Variants in LCLAT1 observed in about 807,000 individuals in gnomAD.
LCLAT1 encodes the protein 1-AGP acyltransferase 8.
LCLAT1 carries 11 observed loss-of-function variants against 30.7 expected under a neutral mutation model. The ratio of observed to expected loss-of-function variants is 0.36; its 90% CI spans 0.23 to 0.59. The LOEUF is 0.59. Ranked by LOEUF, LCLAT1 falls within the 20% of genes least tolerant of loss-of-function variation. The pLI, the probability that LCLAT1 is intolerant of heterozygous loss-of-function variation, is 0.77. For synonymous variants in LCLAT1, 155 were observed against 151.3 expected (o/e 1.02, Z -0.18); for missense variants, 402 against 458.6 (o/e 0.88, Z 1.13).
chr2:30,608,802 C>T (rs1012757967), intron 5 of LCLAT1, among the ~76,000 whole-genome samples: 1 of 152,116 alleles, frequency 6.6e-6, no homozygotes, highest in Non-Finnish European at 1.5e-5. Flanking sequence ...CAGAACATAT[C>T]CCCGTCAAGT....
Position 30,640,976 on chromosome 2 carries a change from A to T in LCLAT1, c.*357A>T. The T allele has an allele frequency of 4.2e-6, 1 of 239,892 alleles. No homozygotes were observed. 14.9% of individuals were successfully genotyped at this position (239,892 alleles called of 1,614,324 possible). ...GAGGCAGATCTGGAACTCGTCAACA[A>T]CAGCCCGGATCACATGCTGTTACTG... is the stretch of plus-strand genomic sequence containing the variant. On this transcript the variant is annotated 3_prime_UTR_variant, in exon 6 of 6. Transcript: ENST00000379509.
chr2:30,469,864 A>G (rs1183269183), intron 1 of LCLAT1, among the ~76,000 whole-genome samples: 1 of 152,030 alleles, frequency 6.6e-6, no homozygotes, highest in Non-Finnish European at 1.5e-5. Flanking sequence ...AAGTGCTGAG[A>G]TTACATGCAT....
chr2:30,494,970 A>G (rs1031516511), intron 1 of LCLAT1, among the ~76,000 whole-genome samples: 2 of 142,502 alleles, frequency 1.4e-5, no homozygotes, highest in Admixed American at 6.9e-5. Flanking sequence ...TTTTTTTTTA[A>G]TTTTTGAAAT....
chr2:30,518,138 A>G (rs539200258), intron 1 of LCLAT1, among the ~76,000 whole-genome samples: 1 of 152,368 alleles, frequency 6.6e-6, no homozygotes, highest in East Asian at 1.9e-4. Context: ...AAGGTAGCTT[A>G]CTGACTCAAA....
intron 3 of LCLAT1, among the ~76,000 whole-genome samples, chr2:30,537,153 G>A (rs1023786982): frequency 9.2e-5 from 14 of 152,044 alleles, no homozygotes; most frequent in Admixed American, 4.6e-4. Context: ...AGGCCAAGGC[G>A]GGTGGATCAT....
chr2:30,519,322 G>A (rs377322831), intron 1 of LCLAT1, among the ~76,000 whole-genome samples: 2 of 152,080 alleles, frequency 1.3e-5, no homozygotes, highest in African/African-American at 2.4e-5. Flanking sequence ...AAGATCTACC[G>A]TGGACCCCTG....
In LCLAT1 at chr2:30,640,659, T is replaced by C; in HGVS notation, c.*40T>C. On this transcript the variant is annotated 3_prime_UTR_variant, in exon 6 of 6. Transcript: ENST00000379509. ...CCATGTGAAAACCTAGAGCATATTTTGGAAATGTTCTAAACCTTTCTAAGC... is the reference window on the plus strand; with the variant it reads ...CCATGTGAAAACCTAGAGCATATTTCGGAAATGTTCTAAACCTTTCTAAGC... 2 of 1,536,662 alleles carry C rather than the reference T, an allele frequency of 1.3e-6. No individual in the cohort carries two copies. Among genetic ancestry groups the C allele is most frequent in the South Asian group, 1.3e-5 (1 of 75,944 alleles).
chr2:30,636,470 T>C (rs970587867), intron 5 of LCLAT1, among the ~76,000 whole-genome samples: 12 of 152,230 alleles, frequency 7.9e-5, no homozygotes, highest in African/African-American at 1.9e-4. Flanking sequence ...TTTATAGATA[T>C]AGGAACTAAG....
chr2:30,475,711 T>C (rs967323405), intron 1 of LCLAT1, among the ~76,000 whole-genome samples: 3 of 152,250 alleles, frequency 2.0e-5, no homozygotes, highest in African/African-American at 7.2e-5. Context: ...CTTTTAGTGA[T>C]TCTTTCTGAT....
At chr2:30,537,290 A>T (rs570011843) in intron 3 of LCLAT1, among the ~76,000 whole-genome samples, 1 of 151,990 alleles carries the variant, frequency 6.6e-6, no homozygotes, top group Non-Finnish European at 1.5e-5. Context: ...CTGAGGCAGG[A>T]GAATGGCGTG....
At chr2:30,548,463 T>C (rs1664526947) in intron 3 of LCLAT1, among the ~76,000 whole-genome samples, 1 of 152,164 alleles carries the variant, frequency 6.6e-6, no homozygotes, top group African/African-American at 2.4e-5. Flanking sequence ...ATTTAAACAT[T>C]TACTGGTTTA....
intron 5 of LCLAT1, among the ~76,000 whole-genome samples, chr2:30,593,263 A>G (rs1666774986): frequency 6.6e-6 from 1 of 152,196 alleles, no homozygotes; most frequent in African/African-American, 2.4e-5. Flanking sequence ...ATGGCTGAAT[A>G]ATATTTCATT....
intron 1 of LCLAT1, among the ~76,000 whole-genome samples, chr2:30,490,220 T>G (rs1683773026): frequency 6.7e-6 from 1 of 149,776 alleles, no homozygotes; most frequent in African/African-American, 2.5e-5. Context: ...TTTTTTTTTT[T>G]GAGACAGAGT....
chr2:30,602,970 T>A lies in LCLAT1; in HGVS notation c.628+34794T>A, dbSNP rs552701554. Among the ~76,000 whole-genome samples the A allele has an allele frequency of 2.6e-5, 4 of 152,286 alleles. No homozygotes were observed. In the South Asian group the frequency reaches 8.3e-4, roughly 32 times the overall value. ...GCATGGATTTGAGAACTGGAAAGAA[T>A]TGAGTTAGAATCATAATTCCATGTC... is the stretch of plus-strand genomic sequence containing the variant. On this transcript the variant is annotated intron_variant, in intron 5 of 5. Transcript: ENST00000379509.
chr2:30,492,403 G>C (rs1683880393), intron 1 of LCLAT1, among the ~76,000 whole-genome samples: 2 of 151,986 alleles, frequency 1.3e-5, no homozygotes, highest in South Asian at 4.2e-4. Context: ...TTAGACATGA[G>C]GTATAAATTG....
chr2:30,510,464 C>T (rs934019236), intron 1 of LCLAT1, among the ~76,000 whole-genome samples: 4 of 152,102 alleles, frequency 2.6e-5, no homozygotes, highest in Non-Finnish European at 5.9e-5. Context: ...ATTTTTAATC[C>T]TTTGTATGTA....
chr2:30,492,075 T>C (rs1683860202), intron 1 of LCLAT1, among the ~76,000 whole-genome samples: 1 of 152,214 alleles, frequency 6.6e-6, no homozygotes, highest in Non-Finnish European at 1.5e-5. Context: ...TACCATCTTA[T>C]TTAACTTGTA....
chr2:30,490,269 C>A lies in LCLAT1; in HGVS notation c.-4-35318C>A, dbSNP rs1282476055. On this transcript the variant is annotated intron_variant, in intron 1 of 5. Transcript: ENST00000379509. ...CTAGGCTGGAGTGCAGTGGCACAATCTCAGCTCACTGCAAGCTCCGCCTCC... is the reference window on the plus strand; with the variant it reads ...CTAGGCTGGAGTGCAGTGGCACAATATCAGCTCACTGCAAGCTCCGCCTCC... Among the ~76,000 whole-genome samples the A allele has an allele frequency of 4.8e-5, 7 of 145,408 alleles. No individual in the cohort carries two copies. In the East Asian group the frequency reaches 1.5e-3, roughly 31 times the overall value.
intron 5 of LCLAT1, among the ~76,000 whole-genome samples, chr2:30,623,020 G>A (rs1668338237): frequency 6.6e-6 from 1 of 150,688 alleles, no homozygotes; most frequent in South Asian, 2.1e-4. Flanking sequence ...GGAGGCACCA[G>A]AGAAAGGTGA....
Sources: gnomAD v4.1 joint callset for allele counts (sites outside exome capture counted in the v4.1 genomes callset) on GRCh38, gnomAD v4.1.1 for gene constraint, MANE v1.5 for transcripts, NCBI Gene and HGNC (gene_info 2026-07-23, HGNC 2026-07-21) for gene names.